The following PHF7 variants were observed in gnomAD, a reference collection of about 807,000 sequenced individuals.
The protein encoded by PHF7 is PHD finger protein 7, also known as E3 ubiquitin-protein ligase PHF7.
In PHF7, 24 loss-of-function variants were observed where a neutral mutation model predicts 47.5. That is an observed-to-expected ratio of 0.51 (90% CI 0.37 to 0.71). The LOEUF is 0.71. PHF7 is among the 30% of genes least tolerant of loss of function. The pLI, the probability that PHF7 is intolerant of heterozygous loss-of-function variation, is 0.00. For missense variants in PHF7, 361 were observed against 456.8 expected (o/e 0.79, Z 1.91); for synonymous variants, 156 against 153.8 (o/e 1.01, Z -0.11).
rs142939857 is a variant in PHF7 at position 52,420,833 on chromosome 3, C to T, written c.414-70C>T. ...CACCAGCCTGGGTGGCTGGCTGCCC[C>T]TCCTAGAGCGGGCCATTGGGAAACT... On this transcript the variant is annotated intron_variant, in intron 6 of 10. Coordinates refer to ENST00000327906, the MANE Select transcript of PHF7 (RefSeq NM_016483.7). 12,239 of 1,456,396 alleles carry T rather than the reference C, an allele frequency of 8.4e-3. 63 individuals carry two copies. Among genetic ancestry groups the T allele is most frequent in the Non-Finnish European group, 9.9e-3 (10,538 of 1,063,970 alleles). The allele number at this position is 1,456,396 out of a possible 1,614,324, so 90.2% of individuals were successfully genotyped here. A position where few individuals can be genotyped will look rare whatever the true frequency, so the allele number is the denominator to read the frequency against.
At chr3:52,422,484 C>A in intron 9 of PHF7, 146 bp downstream of exon 9, 1 of 687,676 alleles carries the variant, frequency 1.5e-6, no homozygotes, top group South Asian at 1.7e-5. Context: ...TTGACCAGCC[C>A]GACTCACTTG....
chr3:52,421,490 C>A (rs1705789380), intron 7 of PHF7, among the ~76,000 whole-genome samples, 158 bp from the exon 8 acceptor site: 1 of 152,166 alleles, frequency 6.6e-6, no homozygotes, highest in Non-Finnish European at 1.5e-5. Flanking sequence ...GGTCTGACAC[C>A]TGGATTTGCA....
At chr3:52,420,057 A>G (rs575563821) in intron 5 of PHF7, 123 bp downstream of exon 5, 7 of 736,016 alleles carry the variant, frequency 9.5e-6, no homozygotes, top group African/African-American at 3.5e-5. Flanking sequence ...GGATTTTCCA[A>G]CTAGTCCTTA....
intron 3 of PHF7, 106 bp from the exon 4 acceptor site, chr3:52,414,390 C>T (rs1032385722): frequency 9.8e-6 from 7 of 717,002 alleles, no homozygotes; most frequent in Non-Finnish European, 1.7e-5. Flanking sequence ...GACCCTTTTC[C>T]TAGTATTCTA....
intron 4 of PHF7, among the ~76,000 whole-genome samples, chr3:52,419,429 C>CTTTTT (rs761599290): frequency 1.4e-5 from 2 of 138,820 alleles, no homozygotes; most frequent in African/African-American, 2.6e-5. Context: ...AAGCTCTGTT[C>CTTTTT]TTTTTTTTTT....
intron 4 of PHF7, among the ~76,000 whole-genome samples, chr3:52,417,498 T>C (rs1416400554): frequency 2.0e-5 from 3 of 152,228 alleles, no homozygotes. Context: ...GACAAAGTCT[T>C]GTACATCTTT....
At chr3:52,416,004 A>G (rs920649073) in intron 4 of PHF7, among the ~76,000 whole-genome samples, 3 of 152,184 alleles carry the variant, frequency 2.0e-5, no homozygotes, top group African/African-American at 7.2e-5. Context: ...CCTACCAGCA[A>G]TTTATAAGAA....
Position 52,414,492 on chromosome 3 carries a change from C to T in PHF7, c.95-4C>T, listed in dbSNP as rs1421059564. The T allele has an allele frequency of 6.3e-7, 1 of 1,592,882 alleles. No individual in the cohort carries two copies. Among genetic ancestry groups the T allele is most frequent in the Non-Finnish European group, 8.6e-7 (1 of 1,162,418 alleles). ...AGCCAAATTCTGGGTGTCCTCTCTTCCAGTTTGCTGGCTATGCCTTCGAGA... is the reference window on the plus strand; with the variant it reads ...AGCCAAATTCTGGGTGTCCTCTCTTTCAGTTTGCTGGCTATGCCTTCGAGA... On this transcript the variant is annotated splice_region_variant and splice_polypyrimidine_tract_variant and intron_variant, in intron 3 of 10. Transcript: ENST00000327906.
chr3:52,411,552 A>T (rs2153228837), intron 1 of PHF7, among the ~76,000 whole-genome samples: 1 of 152,318 alleles, frequency 6.6e-6, no homozygotes, highest in Admixed American at 6.5e-5. Flanking sequence ...CCCTGAAGAT[A>T]TTCCCGATCT....
chr3:52,423,465 A>G lies in PHF7; in HGVS notation c.*148A>G. 10 of 610,134 alleles carry G rather than the reference A, an allele frequency of 1.6e-5. No individual in the cohort carries two copies. The highest frequency in any genetic ancestry group is 2.6e-5 in the Non-Finnish European group (9 of 340,966). 37.8% of individuals were successfully genotyped at this position (610,134 alleles called of 1,614,324 possible). A position where few individuals can be genotyped will look rare whatever the true frequency, so the allele number is the denominator to read the frequency against. On this transcript the variant is annotated 3_prime_UTR_variant, in exon 11 of 11. Coordinates refer to ENST00000327906, the MANE Select transcript of PHF7 (RefSeq NM_016483.7). ...GCCAAGCAAAGAGAAGTCTCAGTGG[A>G]GCATGAGGAGGGAGCAGTCCAGATG...
intron 8 of PHF7, 96 bp from the exon 9 acceptor site, chr3:52,422,126 C>A: frequency 1.2e-6 from 1 of 850,856 alleles, no homozygotes; most frequent in Non-Finnish European, 2.0e-6. Flanking sequence ...TGAACTCTTG[C>A]TGTGCTTAGC....
chr3:52,423,342 A>G lies in PHF7; in HGVS notation c.*25A>G. On this transcript the variant is annotated 3_prime_UTR_variant, in exon 11 of 11. Transcript: ENST00000327906. The stretch of plus-strand genomic sequence containing the variant: ...ACACCTTCTGAGTAGCTGCTGTCCC[A>G]CACAATAGGGTATGAAGCTGCGCTC... The G allele has an allele frequency of 1.4e-6, 2 of 1,462,918 alleles. No homozygotes were observed. Among genetic ancestry groups the G allele is most frequent in the Non-Finnish European group, 1.9e-6 (2 of 1,045,544 alleles). The allele number at this position is 1,462,918 out of a possible 1,614,324, so 90.6% of individuals were successfully genotyped here.
intron 4 of PHF7, among the ~76,000 whole-genome samples, chr3:52,416,073 C>T (rs1337280469): frequency 1.3e-5 from 2 of 152,088 alleles, no homozygotes; most frequent in African/African-American, 4.8e-5. Flanking sequence ...TAATTTTAGC[C>T]ATTCTACTGG....
At chr3:52,411,638 A>G (rs1705439600) in intron 1 of PHF7, among the ~76,000 whole-genome samples, 1 of 152,164 alleles carries the variant, frequency 6.6e-6, no homozygotes, top group South Asian at 2.1e-4. Flanking sequence ...CTTCTAAGAA[A>G]TGCTGTCCTT....
chr3:52,422,267 T>C lies in PHF7; in HGVS notation c.726T>C (p.Tyr242=). The change falls in exon 9 of 11, where the codon TAT becomes TAC. Residue 242 remains tyrosine, a synonymous_variant. Transcript: ENST00000327906. ...AGCCAGGGGCTTTCTCAGACTTATA[T>C]CAGCGCTATCAGCACTGTGATGCCC... ...ELEPGAFSDL[Y]QRYQHCDAPI... is the part of the protein sequence containing the mutation. The C allele has an allele frequency of 1.2e-6, 2 of 1,614,088 alleles. No individual in the cohort carries two copies. Among genetic ancestry groups the C allele is most frequent in the Non-Finnish European group, 1.7e-6 (2 of 1,179,928 alleles).
Position 52,411,122 on chromosome 3 carries a change from GCCT to G in PHF7, c.-193_-191del, listed in dbSNP as rs1705413734. 1 of 152,272 alleles carries G rather than the reference GCCT, an allele frequency of 6.6e-6. No homozygotes were observed. The highest frequency in any genetic ancestry group is 1.5e-5 in the Non-Finnish European group (1 of 68,066). The allele number at this position is 152,272 out of a possible 1,614,324, so 9.4% of individuals were successfully genotyped here. ...AGCCACTGCCTGGCAGCTTGTGGAA[GCCT>G]CATTTGCAAAGCCACCCCTCAGATG... On this transcript the variant is annotated 5_prime_UTR_variant, in exon 1 of 11. Transcript: ENST00000327906.
intron 4 of PHF7, among the ~76,000 whole-genome samples, chr3:52,418,718 T>C (rs1012873785): frequency 2.6e-5 from 4 of 152,098 alleles, no homozygotes; most frequent in Admixed American, 2.6e-4. Context: ...CCTTGTCCTA[T>C]AACCCTGGGA....
At chr3:52,416,630 G>A (rs1052295749) in intron 4 of PHF7, among the ~76,000 whole-genome samples, 2 of 151,220 alleles carry the variant, frequency 1.3e-5, no homozygotes, top group East Asian at 2.0e-4. Flanking sequence ...GTCAGGAGAT[G>A]GAGACCATCC....
At chr3:52,422,489 C>CA (rs1193974377) in intron 9 of PHF7, 151 bp downstream of exon 9, 9 of 673,468 alleles carry the variant, frequency 1.3e-5, no homozygotes, top group Non-Finnish European at 2.1e-5. Flanking sequence ...CAGCCCGACT[C>CA]ACTTGTGTGC....
Sources: allele counts gnomAD v4.1 joint callset (sites outside exome capture counted in the v4.1 genomes callset), GRCh38; gene constraint gnomAD v4.1.1; transcripts MANE v1.5; gene names NCBI Gene and HGNC (gene_info 2026-07-23, HGNC 2026-07-21).